Variants in EHD1 observed in about 807,000 individuals in gnomAD.
EHD1 encodes EH domain-containing protein 1.
Under a neutral mutation model 39.0 loss-of-function variants are expected in EHD1, and 19 were observed. The ratio of observed to expected loss-of-function variants is 0.49; its 90% CI spans 0.34 to 0.72. EHD1 has a LOEUF of 0.72. Ranked by LOEUF, EHD1 falls within the 30% of genes least tolerant of loss-of-function variation. The probability of loss-of-function intolerance (pLI) is 0.01; values close to 1 mark genes in which losing one functional copy is unlikely to be tolerated. For missense variants in EHD1, 542 were observed against 751.5 expected (o/e 0.72, Z 3.26); for synonymous variants, 323 against 331.2 (o/e 0.98, Z 0.27).
At chr11:64,857,360 G>A (rs537515562) in intron 3 of EHD1, among the ~76,000 whole-genome samples, 6 of 152,280 alleles carry the variant, frequency 3.9e-5, no homozygotes, top group African/African-American at 1.2e-4. Flanking sequence ...GGAAGCGGAG[G>A]TTGCAGTGAG....
At chr11:64,871,567 T>C (rs979693576) in intron 2 of EHD1, among the ~76,000 whole-genome samples, 1 of 152,204 alleles carries the variant, frequency 6.6e-6, no homozygotes, top group African/African-American at 2.4e-5. Flanking sequence ...AACCAAGGCC[T>C]CTAGGGCTAT....
At chr11:64,858,681 G>A (rs1943680593) in intron 3 of EHD1, among the ~76,000 whole-genome samples, 1 of 152,248 alleles carries the variant, frequency 6.6e-6, no homozygotes, top group African/African-American at 2.4e-5. Context: ...GCTGGCTCAC[G>A]ATAGGGTGCT....
intron 2 of EHD1, 62 bp downstream of exon 2, chr11:64,874,359 G>T: frequency 6.1e-6 from 8 of 1,305,704 alleles, no homozygotes; most frequent in Admixed American, 2.1e-5. Context: ...CCAAGTTGCA[G>T]ATCTTAGAGA....
intron 2 of EHD1, among the ~76,000 whole-genome samples, chr11:64,865,216 C>G (rs1036041970): frequency 6.6e-6 from 1 of 152,274 alleles, no homozygotes; most frequent in African/African-American, 2.4e-5. Context: ...CGTAACTGCA[C>G]GCCCCACCAG....
In EHD1 at chr11:64,853,087, G is replaced by A. The variant is rs1943599726; in HGVS notation, c.*1246C>T. Reference sequence around the variant, plus strand: ...CTGGGCTCAATGGCCCCAGGCAGAGGAGGGGGAGGCGGCCTGAACTGGCCC... The same window carrying A: ...CTGGGCTCAATGGCCCCAGGCAGAGAAGGGGGAGGCGGCCTGAACTGGCCC... On this transcript the variant is annotated 3_prime_UTR_variant, in exon 5 of 5. Transcript: ENST00000320631. 6.6e-6 allele frequency: 1 copy of A among 152,320 alleles called. No individual in the cohort carries two copies. The highest frequency in any genetic ancestry group is 6.5e-5 in the Admixed American group (1 of 15,286). 9.4% of individuals were successfully genotyped at this position (152,320 alleles called of 1,614,324 possible).
chr11:64,866,597 T>C (rs1038118826), intron 2 of EHD1, among the ~76,000 whole-genome samples: 14 of 151,562 alleles, frequency 9.2e-5, no homozygotes, highest in African/African-American at 3.2e-4. Context: ...GAGGATTGTT[T>C]GGGCCCGGGA....
At chr11:64,864,009 A>G (rs1347932442) in intron 2 of EHD1, among the ~76,000 whole-genome samples, 1 of 152,238 alleles carries the variant, frequency 6.6e-6, no homozygotes, top group African/African-American at 2.4e-5. Flanking sequence ...TCACCGGTCA[A>G]GGACTTTCAT....
intron 3 of EHD1, 121 bp from the exon 4 acceptor site, chr11:64,855,607 G>A: frequency 6.8e-7 from 1 of 1,476,324 alleles, no homozygotes; most frequent in Non-Finnish European, 9.2e-7. Flanking sequence ...AAGCAGGAGG[G>A]ATGGGTCAAG....
rs1209023423 is a variant in EHD1 at position 64,854,794 on chromosome 11, C to A, written c.1144G>T (p.Val382Leu). 6.2e-7 allele frequency: 1 copy of A among 1,604,402 alleles called. No homozygotes were observed. Among genetic ancestry groups the A allele is most frequent in the Non-Finnish European group, 8.5e-7 (1 of 1,179,972 alleles). Reference sequence around the variant, plus strand: ...ATGTCGTTGGCCAGCATGTCATCCACCGTGTCCAGCAGCTTGGGCTTCAGC... The same window carrying A: ...ATGTCGTTGGCCAGCATGTCATCCAACGTGTCCAGCAGCTTGGGCTTCAGC... ...QALKPKLLDT[V>L]DDMLANDIAR... is the part of the protein sequence containing the mutation. Residue 382 changes from valine (V) to leucine (L), a missense_variant, in exon 5 of 5, where the codon GTG becomes TTG. Val to Leu is a conservative substitution (Grantham distance 32, BLOSUM62 1). Transcript: ENST00000320631.
At chr11:64,860,603 C>T (rs942243717) in intron 2 of EHD1, among the ~76,000 whole-genome samples, 1 of 149,870 alleles carries the variant, frequency 6.7e-6, no homozygotes, top group Admixed American at 6.7e-5. Flanking sequence ...CAGGGTGGCG[C>T]GAGCACTCAG....
At chr11:64,861,825 C>T (rs1943719861) in intron 2 of EHD1, among the ~76,000 whole-genome samples, 1 of 152,212 alleles carries the variant, frequency 6.6e-6, no homozygotes, top group African/African-American at 2.4e-5. Flanking sequence ...CTTCCCCTTC[C>T]TGGGTCTTAA....
intron 3 of EHD1, among the ~76,000 whole-genome samples, chr11:64,856,940 A>G (rs999792090): frequency 3.3e-5 from 5 of 152,162 alleles, no homozygotes; most frequent in African/African-American, 1.2e-4. Flanking sequence ...TCTGTCCTCA[A>G]AGGTGGCTGA....
Position 64,855,462 on chromosome 11 carries a change from G to T in EHD1, c.940C>A (p.Leu314Ile). 6.2e-7 allele frequency: 1 copy of T among 1,614,028 alleles called. No homozygotes were observed. The highest frequency in any genetic ancestry group is 1.7e-5 in the Admixed American group (1 of 60,030). ...AAGACATTGGGCATCTCTTTCTTGA[G>T]GGAGCTGATGATGTAGGCGTGAACC... ...AKVHAYIISS[L>I]KKEMPNVFGK... Residue 314 changes from leucine (L) to isoleucine (I), a missense_variant, in exon 4 of 5, where the codon CTC becomes ATC. Leu to Ile is a conservative substitution (Grantham distance 5). Transcript: ENST00000320631.
intron 3 of EHD1, among the ~76,000 whole-genome samples, chr11:64,858,707 C>T (rs781300700): frequency 1.3e-5 from 2 of 152,242 alleles, no homozygotes; most frequent in African/African-American, 2.4e-5. Context: ...AAGTCAGACA[C>T]GCCAAGGGCA....
chr11:64,873,777 C>T (rs368403588), intron 2 of EHD1, among the ~76,000 whole-genome samples: 23 of 151,776 alleles, frequency 1.5e-4, no homozygotes, highest in African/African-American at 3.1e-4. Flanking sequence ...CCTGGGTTCA[C>T]GCTATTCTCC....
intron 2 of EHD1, among the ~76,000 whole-genome samples, chr11:64,872,623 A>C (rs1200433991): frequency 6.6e-6 from 1 of 152,032 alleles, no homozygotes; most frequent in Non-Finnish European, 1.5e-5. Context: ...GGGGTCTCCA[A>C]ATCTACTCCC....
At position 64,877,700 on chromosome 11, in the gene EHD1, T is replaced by A. The variant is rs533765914; in HGVS notation, c.404+361A>T. On this transcript the variant is annotated intron_variant, in intron 1 of 4. Coordinates refer to ENST00000320631, the MANE Select transcript of EHD1 (RefSeq NM_006795.4). ...GGAGGGTTGATTTCCGTGAATTAGG[T>A]GCATCCAGCCTGCGGGACGGAGGTG... is the stretch of plus-strand genomic sequence containing the variant. The A allele has an allele frequency of 2.5e-5, 6 of 238,432 alleles. No homozygotes were observed. The East Asian group carries it at 4.0e-4, about 16-fold the overall frequency. 14.8% of individuals were successfully genotyped at this position (238,432 alleles called of 1,614,324 possible).
intron 4 of EHD1, 27 bp from the exon 5 acceptor site, chr11:64,854,884 G>C (rs1183126342): frequency 1.3e-6 from 2 of 1,588,212 alleles, no homozygotes; most frequent in Admixed American, 1.7e-5. Context: ...AAGGACAAGG[G>C]CTGGGAAGGG....
chr11:64,859,839 G>C, intron 3 of EHD1, 85 bp downstream of exon 3: 2 of 1,507,914 alleles, frequency 1.3e-6, no homozygotes, highest in Non-Finnish European at 1.8e-6. Context: ...GAAGGGTCTC[G>C]GGCAATCCTG....
Sources: gnomAD v4.1 joint callset for allele counts (sites outside exome capture counted in the v4.1 genomes callset) on GRCh38, gnomAD v4.1.1 for gene constraint, MANE v1.5 for transcripts, NCBI Gene and HGNC (gene_info 2026-07-23, HGNC 2026-07-21) for gene names.